Variants in GDF2 observed in about 807,000 individuals in gnomAD.
GDF2 encodes the protein growth/differentiation factor 2.
GDF2 carries 17 observed loss-of-function variants against 16.9 expected under a neutral mutation model. The observed-to-expected ratio is 1.00, with a 90% CI of 0.69 to 1.51. The LOEUF is 1.51. Ranked by LOEUF, GDF2 falls within the 40% of genes most tolerant of loss-of-function variation. The pLI is 0.00. For synonymous variants in GDF2, 276 were observed against 237.6 expected (o/e 1.16, Z -1.49); for missense variants, 523 against 556.3 (o/e 0.94, Z 0.60).
chr10:47,325,931 A>G lies in GDF2; in HGVS notation c.*147A>G, dbSNP rs2061105453. 15 of 601,830 alleles carry G rather than the reference A, an allele frequency of 2.5e-5. 1 individual carries two copies. The South Asian group carries it at 4.0e-4, about 16-fold the overall frequency. The allele number at this position is 601,830 out of a possible 1,614,324, so 37.3% of individuals were successfully genotyped here. ...TGCTCTCCCTCCCCACACCCCACCCAAAGCATACACCGCTGAGCTCAACTG... is the reference window on the plus strand; with the variant it reads ...TGCTCTCCCTCCCCACACCCCACCCGAAGCATACACCGCTGAGCTCAACTG... On this transcript the variant is annotated 3_prime_UTR_variant, in exon 2 of 2. Transcript: ENST00000581492.
At chr10:47,324,751 A>T in intron 1 of GDF2, 90 bp from the exon 2 acceptor site, 1 of 842,304 alleles carries the variant, frequency 1.2e-6, no homozygotes, top group Non-Finnish European at 1.9e-6. Flanking sequence ...GTTATCCCAG[A>T]TGCTCTTCTG....
In GDF2 at chr10:47,322,821, CA is replaced by C; in HGVS notation, c.154del (p.Thr52ProfsTer4). 6.2e-7 allele frequency: 1 copy of C among 1,613,970 alleles called. No individual in the cohort carries two copies. Among genetic ancestry groups the C allele is most frequent in the South Asian group, 1.1e-5 (1 of 91,084 alleles). On this transcript the variant is annotated frameshift_variant, in exon 1 of 2. Transcript: ENST00000581492. LOFTEE classifies it high-confidence loss of function. Reference protein sequence around the residue: ...GVPGGGLPEHTFNLKMFLENV... With the variant: ...GVPGGGLPEHXFNLKMFLENV... ...TGCCTGGAGGTGGGCTGCCTGAGCA[CA>C]CCTTCAACCTGAAGATGTTTCTGGA...
In GDF2 at chr10:47,322,799, C is replaced by T; in HGVS notation, c.131C>T (p.Pro44Leu). ...AACGCCCACAGCCCACTGGGGGTGC[C>T]TGGAGGTGGGCTGCCTGAGCACACC... Reference protein sequence around the residue: ...GGNAHSPLGVPGGGLPEHTFN... With the variant: ...GGNAHSPLGVLGGGLPEHTFN... The change falls in exon 1 of 2, where the codon CCT (proline) becomes CTT (leucine). Residue 44 changes from proline (P) to leucine (L), a missense_variant. Transcript: ENST00000581492. 1 of 1,613,796 alleles carries T rather than the reference C, an allele frequency of 6.2e-7. No homozygotes were observed. The highest frequency in any genetic ancestry group is 8.5e-7 in the Non-Finnish European group (1 of 1,179,862).
chr10:47,325,657 T>C lies in GDF2; in HGVS notation c.1163T>C (p.Val388Ala). 1.2e-6 allele frequency: 2 copies of C among 1,613,124 alleles called. No individual in the cohort carries two copies. The highest frequency in any genetic ancestry group is 1.7e-4 in the Middle Eastern group (1 of 6,056). ...GTGCATCTCAAGTTCCCCACAAAGG[T>C]GGGCAAGGCCTGCTGTGTGCCCACC... is the stretch of plus-strand genomic sequence containing the variant. ...TLVHLKFPTK[V>A]GKACCVPTKL... Residue 388 changes from valine to alanine, a missense_variant, in exon 2 of 2, where the codon GTG (valine) becomes GCG (alanine). Val to Ala is a moderately conservative substitution (Grantham distance 64, BLOSUM62 0). Transcript: ENST00000581492.
chr10:47,325,625 G>A lies in GDF2; in HGVS notation c.1131G>A (p.Gln377=). The A allele has an allele frequency of 6.2e-7, 1 of 1,614,130 alleles. No individual in the cohort carries two copies. Among genetic ancestry groups the A allele is most frequent in the Non-Finnish European group, 8.5e-7 (1 of 1,180,004 alleles). The change falls in exon 2 of 2, where the codon CAG becomes CAA. Residue 377 remains glutamine, a synonymous_variant. Coordinates refer to ENST00000581492, the MANE Select transcript of GDF2 (RefSeq NM_016204.4). ...DVTPTKHAIV[Q]TLVHLKFPTK... ...CGCCGACGAAACACGCTATCGTGCA[G>A]ACCCTGGTGCATCTCAAGTTCCCCA...
intron 1 of GDF2, 48 bp downstream of exon 1, chr10:47,323,062 C>CTCCGCTTG: frequency 7.1e-7 from 1 of 1,404,226 alleles, no homozygotes; most frequent in South Asian, 1.4e-5. Flanking sequence ...ACTCACAGGT[C>CTCCGCTTG]CACAGCTGCT....
In GDF2 at chr10:47,325,184, G is replaced by C. The variant is rs1235665434; in HGVS notation, c.690G>C (p.Val230=). 1.2e-6 allele frequency: 2 copies of C among 1,613,914 alleles called. No homozygotes were observed. Among genetic ancestry groups the C allele is most frequent in the East Asian group, 4.5e-5 (2 of 44,884 alleles). The change falls in exon 2 of 2, where the codon GTG becomes GTC. Residue 230 remains valine, a synonymous_variant. Transcript: ENST00000581492. ...GCAAAAATAAGCTGGAAGTGACTGT[G>C]GAGAGCCACAGGAAGGGCTGCGACA... ...TKSKNKLEVT[V]ESHRKGCDTL...
chr10:47,323,040 CGCTGGGGTG>C (rs2061090868), intron 1 of GDF2, 26 bp downstream of exon 1: 3 of 1,528,184 alleles, frequency 2.0e-6, no homozygotes, highest in South Asian at 2.5e-5. Context: ...GCACCATGCG[CGCTGGGGTG>C]GGACTCACAG....
chr10:47,322,911 C>G lies in GDF2; in HGVS notation c.243C>G (p.Thr81=). 6.2e-7 allele frequency: 1 copy of G among 1,614,148 alleles called. No individual in the cohort carries two copies. The highest frequency in any genetic ancestry group is 1.3e-5 in the African/African-American group (1 of 75,048). The change falls in exon 1 of 2, where the codon ACC becomes ACG. Residue 81 remains threonine, a synonymous_variant. Coordinates refer to ENST00000581492, the MANE Select transcript of GDF2 (RefSeq NM_016204.4). ...GTGGGGTCCCTTCGCAGGACAAAAC[C>G]AGGGTGGAGCCGCCGCAGTACATGA... ...NLSGVPSQDK[T]RVEPPQYMID... is the part of the protein sequence containing the mutation.
rs1555209136 is a variant in GDF2, at chr10:47,326,039, G to A, written c.*255G>A. ...TTGGGATGCAAGGAGGTGATGAAAA[G>A]GAGACAGGGGGAAAAATAATCCATA... On this transcript the variant is annotated 3_prime_UTR_variant, in exon 2 of 2. Transcript: ENST00000581492. 4 of 396,078 alleles carry A rather than the reference G, an allele frequency of 1.0e-5. No homozygotes were observed. Among genetic ancestry groups the A allele is most frequent in the South Asian group, 8.5e-5 (1 of 11,822 alleles). The allele number at this position is 396,078 out of a possible 1,614,324, so 24.5% of individuals were successfully genotyped here. A position where few individuals can be genotyped will look rare whatever the true frequency, so the allele number is the denominator to read the frequency against.
chr10:47,325,105 C>G lies in GDF2; in HGVS notation c.611C>G (p.Thr204Ser). The change falls in exon 2 of 2, where the codon ACC (threonine) becomes AGC (serine). Residue 204 changes from threonine (T) to serine (S), a missense_variant. Transcript: ENST00000581492. ...SQDIQDEGWE[T>S]LEVSSAVKRW... ...GACATTCAGGATGAGGGCTGGGAGA[C>G]CTTGGAAGTGTCCAGCGCCGTGAAG... 1.2e-6 allele frequency: 2 copies of G among 1,614,044 alleles called. No individual in the cohort carries two copies. Among genetic ancestry groups the G allele is most frequent in the South Asian group, 2.2e-5 (2 of 91,080 alleles).
Position 47,326,453 on chromosome 10 carries a change from C to A in GDF2, c.*669C>A, listed in dbSNP as rs2061107590. Among the ~76,000 whole-genome samples, 1 of 152,222 alleles carries A rather than the reference C, an allele frequency of 6.6e-6. No homozygotes were observed. Among genetic ancestry groups the A allele is most frequent in the Non-Finnish European group, 1.5e-5 (1 of 68,040 alleles). On this transcript the variant is annotated 3_prime_UTR_variant, in exon 2 of 2. Transcript: ENST00000581492. ...GAGGCCAGGCCAGGCTGAGGCCCAT[C>A]AGTCACAGGTGTGACTGGGCTGCTT...
rs1555208861 is a variant in GDF2, at chr10:47,324,828, G to A, written c.347-13G>A. 4 of 1,590,920 alleles carry A rather than the reference G, an allele frequency of 2.5e-6. No homozygotes were observed. Among genetic ancestry groups the A allele is most frequent in the Non-Finnish European group, 3.4e-6 (4 of 1,161,498 alleles). On this transcript the variant is annotated splice_polypyrimidine_tract_variant and intron_variant, in intron 1 of 1. Transcript: ENST00000581492. ...CCTCCAGCAGATGCCCACCACGTGT[G>A]TTTGCATTTCAGATGCCATCTCCAT...
At position 47,325,135 on chromosome 10, in the gene GDF2, G is replaced by T; in HGVS notation, c.641G>T (p.Trp214Leu). The change falls in exon 2 of 2, where the codon TGG becomes TTG. Residue 214 changes from tryptophan to leucine, a missense_variant. Physicochemically the swap from Trp to Leu is moderately conservative, Grantham distance 61. Transcript: ENST00000581492. Reference sequence around the variant, plus strand: ...GAAGTGTCCAGCGCCGTGAAGCGCTGGGTCCGGTCCGACTCCACCAAGAGC... The same window carrying T: ...GAAGTGTCCAGCGCCGTGAAGCGCTTGGTCCGGTCCGACTCCACCAAGAGC... ...TLEVSSAVKRWVRSDSTKSKN... is the reference protein window; with the variant it reads ...TLEVSSAVKRLVRSDSTKSKN... 6.2e-7 allele frequency: 1 copy of T among 1,614,016 alleles called. No individual in the cohort carries two copies. Among genetic ancestry groups the T allele is most frequent in the Non-Finnish European group, 8.5e-7 (1 of 1,180,044 alleles).
In GDF2 at chr10:47,326,417, C is replaced by A. The variant is rs1036112057; in HGVS notation, c.*633C>A. On this transcript the variant is annotated 3_prime_UTR_variant, in exon 2 of 2. Transcript: ENST00000581492. ...TAAAGAGCAGTGAGACATTGGGAGC[C>A]CAGGAGTGTTGAGGCCAGGCCAGGC... The A allele has an allele frequency of 1.3e-5, 2 of 152,284 alleles. No individual in the cohort carries two copies. The highest frequency in any genetic ancestry group is 3.9e-4 in the East Asian group (2 of 5,190). The allele number at this position is 152,284 out of a possible 1,614,324, so 9.4% of individuals were successfully genotyped here. A position where few individuals can be genotyped will look rare whatever the true frequency, so the allele number is the denominator to read the frequency against.
In GDF2 at chr10:47,327,179, C is replaced by T. The variant is rs2061111536; in HGVS notation, c.*1395C>T. On this transcript the variant is annotated 3_prime_UTR_variant, in exon 2 of 2. Transcript: ENST00000581492. The stretch of plus-strand genomic sequence containing the variant: ...CTGTGTTTCACCCTCTCCTCTGTCT[C>T]TCCAGGCCACACATGGAACGGGGCG... Among the ~76,000 whole-genome samples the T allele has an allele frequency of 1.3e-5, 2 of 152,202 alleles. No homozygotes were observed. The highest frequency in any genetic ancestry group is 2.4e-5 in the African/African-American group (1 of 41,462).
rs1418976785 is a variant in GDF2 at position 47,323,022 on chromosome 10, C to T, written c.346+8C>T. On this transcript the variant is annotated splice_region_variant and intron_variant, in intron 1 of 1. Coordinates refer to ENST00000581492, the MANE Select transcript of GDF2 (RefSeq NM_016204.4). Reference sequence around the variant, plus strand: ...GGAGCTTCAGCATGGAAGGTAGGGTCTCCGCTTGCACCATGCGCGCTGGGG... The same window carrying T: ...GGAGCTTCAGCATGGAAGGTAGGGTTTCCGCTTGCACCATGCGCGCTGGGG... 3.2e-6 allele frequency: 5 copies of T among 1,582,192 alleles called. No homozygotes were observed. Among genetic ancestry groups the T allele is most frequent in the Non-Finnish European group, 4.3e-6 (5 of 1,157,540 alleles).
Position 47,325,587 on chromosome 10 carries a change from G to A in GDF2, c.1093G>A (p.Ala365Thr), listed in dbSNP as rs782723993. The A allele has an allele frequency of 7.4e-6, 12 of 1,614,132 alleles. No homozygotes were observed. In the South Asian group the frequency reaches 1.3e-4, roughly 18 times the overall value. ...TAAGGGCGGCTGCTTCTTCCCCTTG[G>A]CTGACGATGTGACGCCGACGAAACA... The part of the protein sequence containing the change: ...ECKGGCFFPL[A>T]DDVTPTKHAI... The change falls in exon 2 of 2, where the codon GCT becomes ACT. Residue 365 changes from alanine (A) to threonine (T), a missense_variant. Transcript: ENST00000581492.
chr10:47,322,526 T>G lies in GDF2; in HGVS notation c.-143T>G. ...GAGGACAATCCAGCCCGGCAGCGGG[T>G]GAGAGTGGGTGCTGGCCAGGACGGT... On this transcript the variant is annotated 5_prime_UTR_variant, in exon 1 of 2. Coordinates refer to ENST00000581492, the MANE Select transcript of GDF2 (RefSeq NM_016204.4). 6.7e-6 allele frequency: 4 copies of G among 595,470 alleles called. No homozygotes were observed. The highest frequency in any genetic ancestry group is 2.9e-5 in the South Asian group (1 of 34,676). 36.9% of individuals were successfully genotyped at this position (595,470 alleles called of 1,614,324 possible). A position where few individuals can be genotyped will look rare whatever the true frequency, so the allele number is the denominator to read the frequency against.
Sources: allele counts gnomAD v4.1 joint callset (sites outside exome capture counted in the v4.1 genomes callset), GRCh38; gene constraint gnomAD v4.1.1; transcripts MANE v1.5; gene names NCBI Gene and HGNC (gene_info 2026-07-23, HGNC 2026-07-21).